ARHGEF4: variants seen among roughly 807,000 people sequenced by gnomAD.
ARHGEF4 encodes the protein APC-stimulated guanine nucleotide exchange factor 1.
Under a neutral mutation model 162.0 loss-of-function variants are expected in ARHGEF4, and 119 were observed. The observed-to-expected ratio is 0.73, with a 90% CI of 0.63 to 0.86. The LOEUF is 0.86. Among genes scored for constraint, ARHGEF4 ranks in the 40% least tolerant of loss-of-function variants. The pLI is 0.00. For synonymous variants in ARHGEF4, 1,014 were observed against 979.9 expected (o/e 1.03, Z -0.65); for missense variants, 2,488 against 2,456.0 (o/e 1.01, Z -0.28).
chr2:130,934,385 C>T (rs182925159), intron 3 of ARHGEF4, among the ~76,000 whole-genome samples: 6 of 152,240 alleles, frequency 3.9e-5, no homozygotes, highest in African/African-American at 1.2e-4. Flanking sequence ...CTTTAAATAT[C>T]TTGTATAGTT....
chr2:130,913,532 G>A (rs1173906055), intron 1 of ARHGEF4, among the ~76,000 whole-genome samples: 1 of 151,786 alleles, frequency 6.6e-6, no homozygotes, highest in Non-Finnish European at 1.5e-5. Flanking sequence ...TGTTGTTGTT[G>A]TTTTGCTCTA....
At chr2:131,000,374 A>C (rs1180056919) in intron 4 of ARHGEF4, among the ~76,000 whole-genome samples, 9 of 152,172 alleles carry the variant, frequency 5.9e-5, no homozygotes, top group Non-Finnish European at 4.4e-5. Flanking sequence ...CTATTTTCAT[A>C]AGTGAGATGG....
chr2:130,903,166 T>C (rs1350739259), intron 1 of ARHGEF4, among the ~76,000 whole-genome samples: 4 of 151,918 alleles, frequency 2.6e-5, no homozygotes, highest in African/African-American at 9.7e-5. Context: ...ATTTTTATGG[T>C]GCCTGTTTTG....
At chr2:130,844,709 T>C (rs376954535) in intron 1 of ARHGEF4, among the ~76,000 whole-genome samples, 2 of 151,974 alleles carry the variant, frequency 1.3e-5, no homozygotes, top group South Asian at 4.2e-4. Flanking sequence ...CTCAGGGGCA[T>C]GTGAAAATTT....
At chr2:130,953,640 T>A (rs552304001) in intron 4 of ARHGEF4, among the ~76,000 whole-genome samples, 103 of 152,074 alleles carry the variant, frequency 6.8e-4, no homozygotes, top group African/African-American at 2.3e-3. Flanking sequence ...TGGGAGAAAA[T>A]TTTTGCAATC....
intron 4 of ARHGEF4, among the ~76,000 whole-genome samples, chr2:130,999,371 T>G (rs556542068): frequency 1.4e-3 from 215 of 152,216 alleles, no homozygotes; most frequent in Non-Finnish European, 2.7e-3. Flanking sequence ...TTAGCCAGGA[T>G]GGTCTCGATC....
intron 4 of ARHGEF4, among the ~76,000 whole-genome samples, chr2:130,992,362 G>C (rs952526377): frequency 1.3e-5 from 2 of 151,988 alleles, no homozygotes; most frequent in African/African-American, 4.8e-5. Flanking sequence ...CACTCTTTGG[G>C]TCCATGCTGC....
chr2:130,966,489 A>T (rs1290269900), intron 4 of ARHGEF4, among the ~76,000 whole-genome samples: 2 of 152,248 alleles, frequency 1.3e-5, no homozygotes, highest in African/African-American at 4.8e-5. Flanking sequence ...CACTCTCTAC[A>T]TGCCAGGCAC....
At chr2:131,029,099 G>T (rs963298406) in intron 5 of ARHGEF4, among the ~76,000 whole-genome samples, 3 of 151,858 alleles carry the variant, frequency 2.0e-5, no homozygotes, top group Non-Finnish European at 4.4e-5. Context: ...GGTGGCTCAC[G>T]CCTATAATCT....
At chr2:131,014,790 C>T (rs1312336901) in intron 4 of ARHGEF4, among the ~76,000 whole-genome samples, 1 of 152,170 alleles carries the variant, frequency 6.6e-6, no homozygotes, top group Non-Finnish European at 1.5e-5. Context: ...CTAAAGGCTC[C>T]TCTTACCTTC....
At chr2:130,911,694 A>G (rs35903960) in intron 1 of ARHGEF4, among the ~76,000 whole-genome samples, 6,316 of 152,182 alleles carry the variant, frequency 0.042, 158 homozygotes, top group Middle Eastern at 0.078. Context: ...TTTTTCCCCC[A>G]AAGGCTTTTG....
Position 131,034,990 on chromosome 2 carries a change from C to T in ARHGEF4, c.4126-3863C>T, listed in dbSNP as rs1464506158. On this transcript the variant is annotated intron_variant, in intron 5 of 13. Coordinates refer to ENST00000409359, the MANE Select transcript of ARHGEF4 (RefSeq NM_001367493.1). ...CGGCTTCGCGGGAGGAGCCCCAGGCCCGCGAGCGCAGGCGCCCCGCCTCTC... is the reference window on the plus strand; with the variant it reads ...CGGCTTCGCGGGAGGAGCCCCAGGCTCGCGAGCGCAGGCGCCCCGCCTCTC... 3.0e-6 allele frequency: 3 copies of T among 983,914 alleles called. No individual in the cohort carries two copies. The East Asian group carries it at 3.4e-4, about 113-fold the overall frequency. 60.9% of individuals were successfully genotyped at this position (983,914 alleles called of 1,614,324 possible).
At chr2:131,021,313 A>G (rs886935562) in intron 4 of ARHGEF4, among the ~76,000 whole-genome samples, 4 of 152,204 alleles carry the variant, frequency 2.6e-5, no homozygotes, top group Non-Finnish European at 5.9e-5. Flanking sequence ...CAGAGCCCTC[A>G]GAAATAATGC....
At chr2:131,002,056 TGTTTA>T (rs1324657301) in intron 4 of ARHGEF4, among the ~76,000 whole-genome samples, 1 of 152,188 alleles carries the variant, frequency 6.6e-6, no homozygotes, top group Non-Finnish European at 1.5e-5. Flanking sequence ...CTTTTTTGTA[TGTTTA>T]GTTTACGTTT....
At chr2:130,906,035 T>C (rs925114388) in intron 1 of ARHGEF4, among the ~76,000 whole-genome samples, 4 of 152,210 alleles carry the variant, frequency 2.6e-5, no homozygotes, top group Non-Finnish European at 5.9e-5. Context: ...ACCCAGACTG[T>C]TCCCTTACTA....
At chr2:130,957,751 T>G (rs1011049184) in intron 4 of ARHGEF4, among the ~76,000 whole-genome samples, 1 of 151,974 alleles carries the variant, frequency 6.6e-6, no homozygotes, top group Non-Finnish European at 1.5e-5. Flanking sequence ...CCCAGAAAAC[T>G]CTCTAGCCCT....
intron 4 of ARHGEF4, among the ~76,000 whole-genome samples, chr2:130,986,920 C>T (rs530278116): frequency 3.9e-5 from 6 of 152,320 alleles, no homozygotes; most frequent in African/African-American, 9.6e-5. Flanking sequence ...GTGGTTTGCA[C>T]CAGGAGGTGA....
At chr2:131,039,227 C>T in intron 6 of ARHGEF4, 195 bp downstream of exon 6, 1 of 1,255,488 alleles carries the variant, frequency 8.0e-7, no homozygotes, top group Non-Finnish European at 1.1e-6. Flanking sequence ...TCTGGTGAGC[C>T]CTCGGGGGCC....
intron 11 of ARHGEF4, among the ~76,000 whole-genome samples, 197 bp from the exon 12 acceptor site, chr2:131,044,102 G>A (rs534870841): frequency 2.0e-5 from 3 of 152,320 alleles, no homozygotes; most frequent in African/African-American, 7.2e-5. Flanking sequence ...AAATAAAGGA[G>A]CAAGGCCTCT....
Sources: gnomAD v4.1 joint callset for allele counts (sites outside exome capture counted in the v4.1 genomes callset) on GRCh38, gnomAD v4.1.1 for gene constraint, MANE v1.5 for transcripts, NCBI Gene and HGNC (gene_info 2026-07-23, HGNC 2026-07-21) for gene names.